Variants in FRMD5 observed in about 807,000 individuals in gnomAD.
FRMD5 encodes the protein FERM domain containing 5.
Under a neutral mutation model 69.0 loss-of-function variants are expected in FRMD5, and 20 were observed. That is an observed-to-expected ratio of 0.29 (90% confidence interval 0.20 to 0.42). The LOEUF (loss-of-function observed/expected upper bound fraction) is 0.42. Among genes scored for constraint, FRMD5 ranks in the 10% least tolerant of loss-of-function variants. The probability of loss-of-function intolerance (pLI) is 1.00; values close to 1 mark genes in which losing one functional copy is unlikely to be tolerated. For synonymous variants in FRMD5, 271 were observed against 260.1 expected, an observed-to-expected ratio of 1.04 and a Z score of -0.40; for missense variants, 595 against 708.6, an observed-to-expected ratio of 0.84 and a Z score of 1.82.
chr15:43,889,005 GAAAC>G, intron 8 of FRMD5, 133 bp from the exon 9 acceptor site: 1 of 721,442 alleles, frequency 1.4e-6, no homozygotes, highest in Admixed American at 2.3e-5. Context: ...AATCAGAACT[GAAAC>G]AAGACAGCAG....
intron 1 of FRMD5, chr15:43,989,256 G>A (rs757671686): frequency 1.1e-5 from 9 of 790,666 alleles, no homozygotes; most frequent in Middle Eastern, 2.5e-4. Context: ...GCATCCTATC[G>A]GCGATGCCAG....
intron 1 of FRMD5, chr15:44,063,888 C>T (rs560551542): frequency 4.3e-4 from 116 of 268,764 alleles, no homozygotes; most frequent in Middle Eastern, 1.4e-3. Flanking sequence ...CCCCCTCTGT[C>T]GACGTCCCCA....
intron 1 of FRMD5, among the ~76,000 whole-genome samples, chr15:44,122,399 C>T (rs575920224): frequency 5.2e-4 from 79 of 151,736 alleles, no homozygotes; most frequent in African/African-American, 1.5e-3. Flanking sequence ...CTTGTCTCTA[C>T]GAAAAATACA....
chr15:44,197,614 G>A (rs941124678), upstream of FRMD5, among the ~76,000 whole-genome samples: 7 of 144,750 alleles, frequency 4.8e-5, no homozygotes, highest in African/African-American at 1.6e-4. Context: ...CCTGGGAGGC[G>A]AAGGTTGCAG....
chr15:43,930,369 G>A (rs1236985407), intron 1 of FRMD5, among the ~76,000 whole-genome samples: 1 of 152,186 alleles, frequency 6.6e-6, no homozygotes, highest in Non-Finnish European at 1.5e-5. Flanking sequence ...ATGTGGCAGG[G>A]CCATAGCTCA....
intron 1 of FRMD5, among the ~76,000 whole-genome samples, chr15:44,174,687 T>C (rs1424478839): frequency 6.6e-6 from 1 of 152,210 alleles, no homozygotes; most frequent in African/African-American, 2.4e-5. Flanking sequence ...AGAGTTTTTA[T>C]CATAATTCTT....
intron 6 of FRMD5, among the ~76,000 whole-genome samples, chr15:43,903,788 C>A (rs1413524594): frequency 3.9e-5 from 6 of 152,192 alleles, no homozygotes. Context: ...AAGCGGGCAT[C>A]ATTTCCTGGG....
At chr15:43,976,438 A>T (rs2090463551) in intron 1 of FRMD5, among the ~76,000 whole-genome samples, 1 of 152,224 alleles carries the variant, frequency 6.6e-6, no homozygotes, top group African/African-American at 2.4e-5. Flanking sequence ...AACATTCCAT[A>T]AAAAAACAAG....
intron 1 of FRMD5, among the ~76,000 whole-genome samples, chr15:44,155,590 A>AAT (rs775933731): frequency 1.3e-5 from 2 of 151,830 alleles, no homozygotes; most frequent in Non-Finnish European, 1.5e-5. Flanking sequence ...TTCCTCCCCA[A>AAT]ATATATATAT....
intron 1 of FRMD5, among the ~76,000 whole-genome samples, chr15:44,056,472 C>T (rs1892873888): frequency 6.6e-6 from 1 of 152,130 alleles, no homozygotes; most frequent in Non-Finnish European, 1.5e-5. Context: ...TACACAGAAA[C>T]CCAGGTACCA....
intron 7 of FRMD5, 72 bp from the exon 8 acceptor site, chr15:43,892,141 A>G (rs2088808102): frequency 7.6e-7 from 1 of 1,313,398 alleles, no homozygotes; most frequent in Non-Finnish European, 1.1e-6. Context: ...ACAGCTGTTC[A>G]TAGGTGATGC....
At chr15:44,048,163 C>A (rs115794017) in intron 1 of FRMD5, among the ~76,000 whole-genome samples, 2 of 152,102 alleles carry the variant, frequency 1.3e-5, no homozygotes, top group Admixed American at 6.5e-5. Flanking sequence ...AGTGGCTATA[C>A]CATTTTCTAT....
At chr15:44,107,396 C>T (rs1408712127) in intron 1 of FRMD5, among the ~76,000 whole-genome samples, 1 of 152,148 alleles carries the variant, frequency 6.6e-6, no homozygotes, top group African/African-American at 2.4e-5. Context: ...CTGAACGAAA[C>T]CTTAAGTAAA....
intron 10 of FRMD5, among the ~76,000 whole-genome samples, chr15:43,886,241 G>T (rs542800354): frequency 3.9e-5 from 6 of 152,142 alleles, no homozygotes; most frequent in Non-Finnish European, 7.4e-5. Flanking sequence ...CTATGTCTGG[G>T]TAATTGTGGG....
chr15:43,940,251 T>C (rs932549438), intron 1 of FRMD5, among the ~76,000 whole-genome samples: 1 of 152,160 alleles, frequency 6.6e-6, no homozygotes, highest in African/African-American at 2.4e-5. Context: ...ATGCAGTCAA[T>C]GAACAGTTTC....
chr15:44,158,481 C>G (rs1595535496), intron 1 of FRMD5, among the ~76,000 whole-genome samples: 1 of 152,134 alleles, frequency 6.6e-6, no homozygotes, highest in African/African-American at 2.4e-5. Context: ...GGAAACTGTT[C>G]TGGATATTTA....
chr15:44,099,530 A>G (rs1389332234), intron 1 of FRMD5, among the ~76,000 whole-genome samples: 1 of 152,180 alleles, frequency 6.6e-6, no homozygotes, highest in Admixed American at 6.5e-5. Context: ...AACTGCAATC[A>G]TGGGTTCTGG....
At chr15:43,976,535 G>T (rs887397155) in intron 1 of FRMD5, among the ~76,000 whole-genome samples, 2 of 152,178 alleles carry the variant, frequency 1.3e-5, no homozygotes, top group Non-Finnish European at 1.5e-5. Flanking sequence ...AGTTTTAAAA[G>T]GAAGAAAGTG....
At chr15:44,123,821 T>C (rs182276349) in intron 1 of FRMD5, among the ~76,000 whole-genome samples, 94 of 152,300 alleles carry the variant, frequency 6.2e-4, no homozygotes, top group African/African-American at 2.2e-3. Flanking sequence ...GAAATGCTAA[T>C]TAAAATAGCT....
Sources: allele counts gnomAD v4.1 joint callset (sites outside exome capture counted in the v4.1 genomes callset), GRCh38; gene constraint gnomAD v4.1.1; transcripts MANE v1.5; gene names NCBI Gene and HGNC (gene_info 2026-07-23, HGNC 2026-07-21).